Variants in HPSE2 observed in about 807,000 individuals in gnomAD.
The protein encoded by HPSE2 is inactive heparanase-2.
In HPSE2, 38 loss-of-function variants were observed where a neutral mutation model predicts 60.5. The observed-to-expected ratio is 0.63, with a 90% CI of 0.48 to 0.82. The LOEUF is 0.82. HPSE2 is among the 40% of genes least tolerant of loss of function. The pLI, the probability that HPSE2 is intolerant of heterozygous loss-of-function variation, is 0.00. For synonymous variants in HPSE2, 295 were observed against 293.2 expected (o/e 1.01, Z -0.06); for missense variants, 713 against 740.4 (o/e 0.96, Z 0.43).
chr10:98,949,189 TAAC>T (rs1197927759), intron 3 of HPSE2, among the ~76,000 whole-genome samples: 2 of 152,064 alleles, frequency 1.3e-5, no homozygotes, highest in African/African-American at 4.8e-5. Flanking sequence ...TTTTTGTTTC[TAAC>T]AATAATCCTT....
chr10:98,687,177 T>G (rs1947940064), intron 6 of HPSE2, among the ~76,000 whole-genome samples: 1 of 152,216 alleles, frequency 6.6e-6, no homozygotes, highest in African/African-American at 2.4e-5. Context: ...TATTCTCTTA[T>G]AGTTCCACAG....
chr10:99,133,852 A>G (rs1054528949), intron 3 of HPSE2, among the ~76,000 whole-genome samples: 2 of 152,200 alleles, frequency 1.3e-5, no homozygotes, highest in African/African-American at 4.8e-5. Context: ...GCAAGGGAAC[A>G]AAACTAGATG....
rs185902798 is a variant in HPSE2, at chr10:98,537,857, C to T, written c.1321-47661G>A. Among the ~76,000 whole-genome samples, 17 of 152,354 alleles carry T rather than the reference C, an allele frequency of 1.1e-4. No individual in the cohort carries two copies. The East Asian group carries it at 1.5e-3, about 14-fold the overall frequency. On this transcript the variant is annotated intron_variant, in intron 9 of 11. Transcript: ENST00000370552. ...CTGCGGTGCTGTGCTTCAGTGGTCA[C>T]GCTCCTTGTCCACTTTCATGTTCCT...
chr10:98,878,236 T>A (rs1189614289), intron 3 of HPSE2, among the ~76,000 whole-genome samples: 1 of 152,020 alleles, frequency 6.6e-6, no homozygotes, highest in East Asian at 1.9e-4. Context: ...ATAGCCAATG[T>A]ACAGAATGCT....
chr10:99,249,839 C>T, the HPSE2 span, among the ~76,000 whole-genome samples: 5 of 152,042 alleles, frequency 3.3e-5, no homozygotes, highest in Admixed American at 3.3e-4. Context: ...CTCATGAAAT[C>T]TGGTTGTTTA....
At chr10:99,222,855 C>T (rs1374131926) in intron 2 of HPSE2, among the ~76,000 whole-genome samples, 1 of 152,148 alleles carries the variant, frequency 6.6e-6, no homozygotes, top group African/African-American at 2.4e-5. Context: ...TATTTTGTGT[C>T]ACAACCCACA....
At chr10:98,887,345 A>C (rs927135719) in intron 3 of HPSE2, among the ~76,000 whole-genome samples, 6 of 152,170 alleles carry the variant, frequency 3.9e-5, no homozygotes, top group African/African-American at 1.4e-4. Context: ...GAACTAAATA[A>C]CACTGATGAA....
intron 3 of HPSE2, among the ~76,000 whole-genome samples, chr10:98,846,253 T>C (rs1952032087): frequency 6.6e-6 from 1 of 152,242 alleles, no homozygotes; most frequent in Admixed American, 6.5e-5. Flanking sequence ...GATAACTATG[T>C]CATGCCCTGC....
intron 9 of HPSE2, among the ~76,000 whole-genome samples, chr10:98,523,760 T>G (rs1234115469): frequency 1.3e-5 from 2 of 152,256 alleles, no homozygotes; most frequent in Non-Finnish European, 2.9e-5. Context: ...ATTTCCTTTA[T>G]GATTAGGAAT....
At chr10:98,613,251 T>A (rs1945809968) in intron 9 of HPSE2, among the ~76,000 whole-genome samples, 2 of 152,238 alleles carry the variant, frequency 1.3e-5, no homozygotes, top group African/African-American at 4.8e-5. Flanking sequence ...AGTGCTTACA[T>A]TTCATAGATA....
chr10:99,206,560 CAAAAA>C (rs768456472), intron 2 of HPSE2, among the ~76,000 whole-genome samples: 2 of 88,992 alleles, frequency 2.2e-5, no homozygotes, highest in Non-Finnish European at 2.3e-5. Flanking sequence ...GACCCTGTCT[CAAAAA>C]AAAAAAAAAA....
At chr10:99,164,775 A>G (rs974325157) in intron 2 of HPSE2, among the ~76,000 whole-genome samples, 11 of 152,192 alleles carry the variant, frequency 7.2e-5, no homozygotes, top group African/African-American at 2.7e-4. Context: ...CTGTATTCCC[A>G]GCACTTTGGG....
chr10:98,471,100 G>C (rs1267676042), intron 11 of HPSE2, among the ~76,000 whole-genome samples: 1 of 152,184 alleles, frequency 6.6e-6, no homozygotes, highest in Non-Finnish European at 1.5e-5. Context: ...CAGTCACAGA[G>C]AACTCCCAGG....
In HPSE2 at chr10:98,774,819, T is replaced by G. The variant is rs149891413; in HGVS notation, c.611-30763A>C. On this transcript the variant is annotated intron_variant, in intron 3 of 11. Coordinates refer to ENST00000370552, the MANE Select transcript of HPSE2 (RefSeq NM_021828.5). Reference sequence around the variant, plus strand: ...GTACCTAGGCTTTTCCCTTTCCTCTTGCATTGCCCCATCTCCTTCATCGTG... The same window carrying G: ...GTACCTAGGCTTTTCCCTTTCCTCTGGCATTGCCCCATCTCCTTCATCGTG... 1.5e-3 allele frequency among the ~76,000 whole-genome samples: 233 copies of G among 152,318 alleles called. 2 individuals carry two copies. The highest frequency in any genetic ancestry group is 5.2e-3 in the African/African-American group (217 of 41,568).
At chr10:99,226,967 T>C (rs867990968) in intron 2 of HPSE2, among the ~76,000 whole-genome samples, 2 of 151,888 alleles carry the variant, frequency 1.3e-5, no homozygotes, top group Middle Eastern at 3.4e-3. Flanking sequence ...AAACAGAGAG[T>C]AGATAATCAG....
Position 98,497,850 on chromosome 10 carries a change from T to C in HPSE2, c.1321-7654A>G, listed in dbSNP as rs572129122. Among the ~76,000 whole-genome samples the C allele has an allele frequency of 5.3e-5, 8 of 152,334 alleles. 1 individual carries two copies. The South Asian group carries it at 1.7e-3, about 32-fold the overall frequency. ...GCAGAGAATTTTGAAGCTAGCATGA[T>C]TTTTGTTCTATGTATAGGTAGCCTG... On this transcript the variant is annotated intron_variant, in intron 9 of 11. Transcript: ENST00000370552.
At chr10:98,951,598 T>C (rs568758309) in intron 3 of HPSE2, among the ~76,000 whole-genome samples, 11 of 152,314 alleles carry the variant, frequency 7.2e-5, no homozygotes, top group African/African-American at 2.4e-4. Context: ...ATAAACTACG[T>C]GTGCAGGAAA....
intron 9 of HPSE2, among the ~76,000 whole-genome samples, chr10:98,594,318 G>A (rs1210192595): frequency 6.6e-6 from 1 of 151,708 alleles, no homozygotes. Flanking sequence ...CCCACCACAA[G>A]CCCATGATAT....
At chr10:99,093,711 T>A (rs1843598995) in intron 3 of HPSE2, among the ~76,000 whole-genome samples, 1 of 152,212 alleles carries the variant, frequency 6.6e-6, no homozygotes, top group Admixed American at 6.5e-5. Context: ...CATGAACTAA[T>A]CACCTCCCAT....
Sources: allele counts gnomAD v4.1 joint callset (sites outside exome capture counted in the v4.1 genomes callset), GRCh38; gene constraint gnomAD v4.1.1; transcripts MANE v1.5; gene names NCBI Gene and HGNC (gene_info 2026-07-23, HGNC 2026-07-21).